Variants in ANKMY1 observed in about 807,000 individuals in gnomAD.
The protein encoded by ANKMY1 is ankyrin repeat and MYND domain-containing protein 1.
ANKMY1 carries 98 observed loss-of-function variants against 102.0 expected under a neutral mutation model. The observed-to-expected ratio is 0.96, with a 90% CI of 0.82 to 1.14. The LOEUF is 1.14. Ranked by LOEUF, ANKMY1 falls within the 50% of genes most tolerant of loss-of-function variation. The pLI is 0.00. For synonymous variants in ANKMY1, 582 were observed against 559.9 expected, an observed-to-expected ratio of 1.04 and a Z score of -0.56; for missense variants, 1,330 against 1,347.6, an observed-to-expected ratio of 0.99 and a Z score of 0.20.
chr2:240,481,417 G>A (rs537099559), intron 16 of ANKMY1, among the ~76,000 whole-genome samples: 92 of 152,320 alleles, frequency 6.0e-4, no homozygotes, highest in African/African-American at 2.1e-3. Context: ...ACACGATGGT[G>A]CGGAACTCCT....
intron 4 of ANKMY1, chr2:240,532,035 G>A (rs1043868483): frequency 5.8e-5 from 26 of 450,732 alleles, no homozygotes; most frequent in African/African-American, 2.9e-4. Flanking sequence ...CCTGCAATTC[G>A]AGTACCAGAG....
chr2:240,486,270 A>G (rs940790147), intron 15 of ANKMY1, among the ~76,000 whole-genome samples: 6 of 152,152 alleles, frequency 3.9e-5, no homozygotes, highest in Non-Finnish European at 5.9e-5. Flanking sequence ...ATACATTTCT[A>G]TATGTTACAG....
At position 240,499,511 on chromosome 2, in the gene ANKMY1, G is replaced by A. The variant is rs2077794919; in HGVS notation, c.2806+447C>T. On this transcript the variant is annotated intron_variant, in intron 15 of 17. Coordinates refer to ENST00000401804, the MANE Select transcript of ANKMY1 (RefSeq NM_001282771.3). The surrounding 1 kb of genome is among the most constrained non-coding windows in gnomAD (Gnocchi z 4.2). ...GGGAGTAGATGTCAGTAGGTACTGC[G>A]TTTGTGGAGTGGGTGCATGTGGGGA... Among the ~76,000 whole-genome samples the A allele has an allele frequency of 6.6e-6, 1 of 151,968 alleles. No homozygotes were observed. The highest frequency in any genetic ancestry group is 1.5e-5 in the Non-Finnish European group (1 of 67,964).
intron 4 of ANKMY1, among the ~76,000 whole-genome samples, chr2:240,542,207 GA>G (rs1245343137): frequency 0.015 from 1,079 of 74,384 alleles, 8 homozygotes; most frequent in African/African-American, 0.043. Flanking sequence ...CTCCATCTCA[GA>G]AAAAAAAAAA....
intron 4 of ANKMY1, among the ~76,000 whole-genome samples, chr2:240,535,613 T>C (rs955296532): frequency 1.6e-4 from 25 of 152,342 alleles, no homozygotes; most frequent in African/African-American, 6.0e-4. Context: ...TAAATATTCT[T>C]TTCTTGTCAC....
intron 17 of ANKMY1, among the ~76,000 whole-genome samples, 167 bp from the exon 18 acceptor site, chr2:240,479,822 C>T (rs572506452): frequency 6.5e-4 from 99 of 152,200 alleles, no homozygotes; most frequent in Non-Finnish European, 1.2e-3. Flanking sequence ...GGCTATCTGC[C>T]GTGACTCTTC....
At chr2:240,507,267 C>A (rs1393303195) in intron 13 of ANKMY1, among the ~76,000 whole-genome samples, 2 of 152,060 alleles carry the variant, frequency 1.3e-5, no homozygotes, top group Non-Finnish European at 2.9e-5. Flanking sequence ...GCAGAGAAGT[C>A]CATGAGGACC....
chr2:240,477,365 G>A (rs1207317307), downstream of ANKMY1, among the ~76,000 whole-genome samples: 1 of 152,106 alleles, frequency 6.6e-6, no homozygotes, highest in Non-Finnish European at 1.5e-5. Context: ...TGCTCAGAAT[G>A]CTTATCCCTG....
intron 15 of ANKMY1, among the ~76,000 whole-genome samples, chr2:240,495,842 T>C (rs1411129598): frequency 6.6e-6 from 1 of 152,182 alleles, no homozygotes; most frequent in Admixed American, 6.5e-5. Context: ...CTTCCCTATA[T>C]TGGGAATTCA....
chr2:240,517,651 A>G (rs2081419265), intron 9 of ANKMY1, among the ~76,000 whole-genome samples: 1 of 150,118 alleles, frequency 6.7e-6, no homozygotes, highest in Admixed American at 6.7e-5. Context: ...CTTTACAAAA[A>G]AATTTAAAAA....
intron 4 of ANKMY1, among the ~76,000 whole-genome samples, chr2:240,533,535 GTA>G (rs2085952106): frequency 6.6e-6 from 1 of 152,128 alleles, no homozygotes; most frequent in African/African-American, 2.4e-5. Flanking sequence ...AATTGTTGAT[GTA>G]TCTTACATTC....
upstream of ANKMY1, chr2:240,558,069 A>G (rs2092609871): frequency 1.2e-6 from 1 of 827,738 alleles, no homozygotes. Flanking sequence ...CCCCGCCAGG[A>G]CGCACCCGGC....
chr2:240,543,176 C>T (rs994761752), intron 4 of ANKMY1, among the ~76,000 whole-genome samples: 18 of 151,378 alleles, frequency 1.2e-4, no homozygotes, highest in African/African-American at 4.1e-4. Flanking sequence ...GGTGAAACCC[C>T]GTCTCTACTA....
At chr2:240,514,640 C>T (rs762809575) in intron 9 of ANKMY1, among the ~76,000 whole-genome samples, 1 of 152,222 alleles carries the variant, frequency 6.6e-6, no homozygotes, top group Non-Finnish European at 1.5e-5. Flanking sequence ...CGAGGATGTC[C>T]AATGACACTC....
intron 13 of ANKMY1, among the ~76,000 whole-genome samples, chr2:240,502,348 T>C (rs1356271999): frequency 6.6e-6 from 1 of 151,896 alleles, no homozygotes; most frequent in Non-Finnish European, 1.5e-5. Context: ...AGTCTCACCC[T>C]GCTGGGCACC....
rs2092458712 is a variant in ANKMY1 at position 240,557,297 on chromosome 2, T to G, written c.39A>C (p.Glu13Asp). 1 of 1,590,278 alleles carries G rather than the reference T, an allele frequency of 6.3e-7. No homozygotes were observed. The change falls in exon 2 of 18, where the codon GAA (glutamate) becomes GAC (aspartate). Residue 13 changes from glutamate (E) to aspartate (D), a missense_variant. By Grantham distance (45) the Glu-to-Asp change is conservative. Coordinates refer to ENST00000401804, the MANE Select transcript of ANKMY1 (RefSeq NM_001282771.3). ...GAHASLSLEDEVSGAGSRQRP... is the reference protein window; with the variant it reads ...GAHASLSLEDDVSGAGSRQRP... ...GTTGGCGGCTGCCAGCCCCAGAGAC[T>G]TCGTCCTCTAAGCTAAGGGAGGCAT...
chr2:240,524,395 CAA>C lies in ANKMY1; in HGVS notation c.1336-16_1336-15del, dbSNP rs1559322872. 2 of 1,570,888 alleles carry C rather than the reference CAA, an allele frequency of 1.3e-6. No individual in the cohort carries two copies. Among genetic ancestry groups the C allele is most frequent in the Non-Finnish European group, 1.7e-6 (2 of 1,160,118 alleles). ...TTTTGGAGGTTCCTTTGGAAAGAAC[CAA>C]AAAAGTGTCATTAGAATAAATTGGA... On this transcript the variant is annotated splice_polypyrimidine_tract_variant and intron_variant, in intron 7 of 17. Transcript: ENST00000401804.
chr2:240,493,701 T>C (rs2076906058), intron 15 of ANKMY1, among the ~76,000 whole-genome samples: 1 of 152,174 alleles, frequency 6.6e-6, no homozygotes, highest in African/African-American at 2.4e-5. Flanking sequence ...GGATGCCAGG[T>C]AGGCCAATCT....
At chr2:240,541,536 A>C (rs1575285062) in intron 4 of ANKMY1, among the ~76,000 whole-genome samples, 2 of 118,696 alleles carry the variant, frequency 1.7e-5, no homozygotes, top group African/African-American at 3.4e-5. Flanking sequence ...ACGGAGTCTC[A>C]CTCTCGCCCA....
Sources: allele counts gnomAD v4.1 joint callset (sites outside exome capture counted in the v4.1 genomes callset), GRCh38; gene constraint gnomAD v4.1.1; non-coding constraint Gnocchi (gnomAD v3.1); transcripts MANE v1.5; gene names NCBI Gene and HGNC (gene_info 2026-07-23, HGNC 2026-07-21).